The following RGS20 variants were observed in gnomAD, a reference collection of about 807,000 sequenced individuals.
The protein encoded by RGS20 is gz-selective GTPase-activating protein.
RGS20 carries 30 observed loss-of-function variants against 33.6 expected under a neutral mutation model. The ratio of observed to expected loss-of-function variants is 0.89; its 90% CI spans 0.67 to 1.21. RGS20 has a LOEUF of 1.21. Ranked by LOEUF, RGS20 falls within the 50% of genes most tolerant of loss-of-function variation. The pLI is 0.00. For synonymous variants in RGS20, 208 were observed against 197.9 expected (o/e 1.05, Z -0.43); for missense variants, 472 against 502.4 (o/e 0.94, Z 0.58).
intron 2 of RGS20, among the ~76,000 whole-genome samples, chr8:53,909,257 T>TAC (rs1813282729): frequency 1.9e-5 from 2 of 103,342 alleles, no homozygotes; most frequent in East Asian, 2.9e-4. Context: ...ATATATATAC[T>TAC]TTTTTTTTTT....
intron 2 of RGS20, chr8:53,879,652 C>G (rs2129273915): frequency 7.4e-7 from 1 of 1,349,820 alleles, no homozygotes; most frequent in Non-Finnish European, 9.8e-7. Flanking sequence ...CCCCAGGACA[C>G]CAGCCTCTCC....
chr8:53,958,611 T>TA lies in RGS20; in HGVS notation c.*153_*154insA. 2 of 380,532 alleles carry TA rather than the reference T, an allele frequency of 5.3e-6. No individual in the cohort carries two copies. The highest frequency in any genetic ancestry group is 9.0e-6 in the Non-Finnish European group (2 of 222,430). The allele number at this position is 380,532 out of a possible 1,614,324, so 23.6% of individuals were successfully genotyped here. On this transcript the variant is annotated 3_prime_UTR_variant, in exon 6 of 6. Transcript: ENST00000297313. ...ATTCCTTCAACAGACTGCTATATAT[T>TA]CACCATGTAAACTGCAGCCACCTTT...
intron 1 of RGS20, among the ~76,000 whole-genome samples, chr8:53,852,830 G>A (rs950503064): frequency 5.9e-5 from 9 of 151,856 alleles, no homozygotes; most frequent in East Asian, 3.8e-4. Flanking sequence ...CTTTTGCCGC[G>A]GCTCATATCC....
chr8:53,937,513 A>G lies in RGS20; in HGVS notation c.511-2063A>G, dbSNP rs1035228447. 3.9e-5 allele frequency among the ~76,000 whole-genome samples: 6 copies of G among 152,254 alleles called. No individual in the cohort carries two copies. The East Asian group carries it at 1.2e-3, about 29-fold the overall frequency. On this transcript the variant is annotated intron_variant, in intron 2 of 5. Coordinates refer to ENST00000297313, the MANE Select transcript of RGS20 (RefSeq NM_170587.4). Reference sequence around the variant, plus strand: ...CTAAAACACCAAAAGCAATGGTAATAAAAGCAAAAATTGACAAATGGGATC... The same window carrying G: ...CTAAAACACCAAAAGCAATGGTAATGAAAGCAAAAATTGACAAATGGGATC...
chr8:53,900,885 G>GA (rs1812997840), intron 2 of RGS20, among the ~76,000 whole-genome samples: 1 of 152,140 alleles, frequency 6.6e-6, no homozygotes, highest in Admixed American at 6.5e-5. Flanking sequence ...GCACTCAGAG[G>GA]ACTCCTCCAA....
intron 4 of RGS20, among the ~76,000 whole-genome samples, chr8:53,947,128 T>C (rs1563428737): frequency 6.8e-6 from 1 of 146,914 alleles, no homozygotes; most frequent in South Asian, 2.1e-4. Context: ...TATATACTTA[T>C]ATATGCTATA....
At chr8:53,862,880 G>A (rs566253033) in intron 1 of RGS20, among the ~76,000 whole-genome samples, 1 of 152,302 alleles carries the variant, frequency 6.6e-6, no homozygotes, top group East Asian at 1.9e-4. Flanking sequence ...TTATCCATCA[G>A]AAATGGGCTG....
intron 2 of RGS20, among the ~76,000 whole-genome samples, chr8:53,924,431 AC>A (rs537057864): frequency 6.6e-6 from 1 of 151,140 alleles, no homozygotes. Flanking sequence ...CAAGTGATCT[AC>A]CCCCCTTGGC....
chr8:53,878,028 G>T (rs1330280320), intron 1 of RGS20, among the ~76,000 whole-genome samples: 1 of 152,214 alleles, frequency 6.6e-6, no homozygotes, highest in Non-Finnish European at 1.5e-5. Flanking sequence ...CCGCGCCCCT[G>T]GGACCCACGC....
chr8:53,854,144 G>T (rs376864771), intron 1 of RGS20, among the ~76,000 whole-genome samples: 15 of 152,094 alleles, frequency 9.9e-5, no homozygotes, highest in East Asian at 9.7e-4. Flanking sequence ...GGAAAAAAAT[G>T]GGAGAAAATC....
chr8:53,955,763 G>A (rs747998044), intron 5 of RGS20, among the ~76,000 whole-genome samples: 4 of 152,072 alleles, frequency 2.6e-5, no homozygotes, highest in Non-Finnish European at 4.4e-5. Context: ...CCCGGGAGGC[G>A]GAGGTTGCAG....
At chr8:53,859,202 G>C in intron 1 of RGS20, among the ~76,000 whole-genome samples, 1 of 152,078 alleles carries the variant, frequency 6.6e-6, no homozygotes, top group East Asian at 1.9e-4. Flanking sequence ...AATAACAAAC[G>C]AACAAACTTT....
At chr8:53,916,644 A>G (rs139532916) in intron 2 of RGS20, among the ~76,000 whole-genome samples, 39 of 152,292 alleles carry the variant, frequency 2.6e-4, no homozygotes, top group African/African-American at 8.7e-4. Context: ...AAAGTTTACC[A>G]TGGTATTTCT....
At position 53,879,381 on chromosome 8, in the gene RGS20, G is replaced by T. The variant is rs139874224; in HGVS notation, c.289G>T (p.Ala97Ser). The T allele has an allele frequency of 1.2e-6, 2 of 1,611,058 alleles. No homozygotes were observed. The highest frequency in any genetic ancestry group is 3.3e-5 in the Admixed American group (2 of 60,000). ...CCTTCTCCGGCGACCCCCTCCCGAG[G>T]CTCCCCGGAGGCGCCTGGACTTCTC... The change falls in exon 2 of 6, where the codon GCT becomes TCT. Residue 97 changes from alanine to serine, a missense_variant. Around this residue, in one of 3 missense-constraint regions of RGS20, gnomAD observed 319 missense variants for 283.4 expected, o/e 1.13. Coordinates refer to ENST00000297313, the MANE Select transcript of RGS20 (RefSeq NM_170587.4).
intron 2 of RGS20, among the ~76,000 whole-genome samples, chr8:53,924,448 A>G (rs1261300188): frequency 6.6e-6 from 1 of 151,978 alleles, no homozygotes; most frequent in Non-Finnish European, 1.5e-5. Context: ...TTGGCCTCCC[A>G]AAGTGCTAGG....
intron 2 of RGS20, among the ~76,000 whole-genome samples, chr8:53,889,987 G>A (rs904840438): frequency 1.1e-4 from 16 of 151,966 alleles, no homozygotes; most frequent in African/African-American, 3.6e-4. Flanking sequence ...TCTTTTATCT[G>A]TGGATTGACG....
At chr8:53,903,826 C>T (rs1323570908) in intron 2 of RGS20, among the ~76,000 whole-genome samples, 2 of 152,196 alleles carry the variant, frequency 1.3e-5, no homozygotes, top group East Asian at 3.8e-4. Flanking sequence ...GGTCTTCTTA[C>T]AGCTCCTACC....
intron 1 of RGS20, among the ~76,000 whole-genome samples, chr8:53,870,582 A>G (rs1197613737): frequency 6.6e-6 from 1 of 152,128 alleles, no homozygotes; most frequent in Non-Finnish European, 1.5e-5. Context: ...CATCAGCCTC[A>G]TTTGAAATTT....
intron 3 of RGS20, 131 bp downstream of exon 2, chr8:53,939,855 T>TA: frequency 9.5e-7 from 1 of 1,058,170 alleles, no homozygotes; most frequent in Non-Finnish European, 1.3e-6. Flanking sequence ...AAGCAACTAC[T>TA]ATATGCCTGA....
Sources: gnomAD v4.1 joint callset for allele counts (sites outside exome capture counted in the v4.1 genomes callset) on GRCh38, gnomAD v4.1.1 for gene constraint, gnomAD v4.1.1 regional missense constraint, MANE v1.5 for transcripts, NCBI Gene and HGNC (gene_info 2026-07-23, HGNC 2026-07-21) for gene names.